Variants in NUDT2 observed in about 807,000 individuals in gnomAD.
NUDT2 encodes nudix hydrolase 2.
NUDT2 carries 12 observed loss-of-function variants against 14.2 expected under a neutral mutation model. The observed-to-expected ratio is 0.84, with a 90% CI of 0.54 to 1.37. The LOEUF (loss-of-function observed/expected upper bound fraction) is 1.37. NUDT2 is among the 40% of genes most tolerant of loss of function. The pLI, the probability that NUDT2 is intolerant of heterozygous loss-of-function variation, is 0.00. For synonymous variants in NUDT2, 67 were observed against 67.4 expected (o/e 0.99, Z 0.03); for missense variants, 167 against 176.7 (o/e 0.95, Z 0.31).
Position 34,343,363 on chromosome 9 carries a change from T to C in NUDT2, c.367T>C (p.Cys123Arg), listed in dbSNP as rs147348519. 248 of 1,614,090 alleles carry C rather than the reference T, an allele frequency of 1.5e-4. 3 individuals carry two copies. The African/African-American group carries it at 2.9e-3, about 19-fold the overall frequency. The change falls in exon 5 of 5, where the codon TGC (cysteine) becomes CGC (arginine). Residue 123 changes from cysteine (C) to arginine (R), a missense_variant. Cys to Arg is a radical substitution (Grantham distance 180). Coordinates refer to ENST00000379158, the MANE Select transcript of NUDT2 (RefSeq NM_001161.5). ...CCGCTGGCTGGGGCTGGAGGAGGCC[T>C]GCCAGTTGGCTCAGTTCAAGGAGAT... ...AYRWLGLEEACQLAQFKEMKA... is the reference protein window; with the variant it reads ...AYRWLGLEEARQLAQFKEMKA...
rs748007466 is a variant in NUDT2, at chr9:34,343,317, C to T, written c.321C>T (p.Leu107=). ...AGGACTATGACGTGGAGATCCGCCT[C>T]TCCCATGAGCACCAAGCCTACCGCT... The part of the protein sequence containing the change: ...EVKDYDVEIR[L]SHEHQAYRWL... Residue 107 remains leucine (L), a synonymous_variant, in exon 5 of 5, where the codon CTC becomes CTT. Transcript: ENST00000379158. 6.2e-7 allele frequency: 1 copy of T among 1,611,926 alleles called. No individual in the cohort carries two copies. The highest frequency in any genetic ancestry group is 1.7e-4 in the Middle Eastern group (1 of 6,050).
chr9:34,338,897 T>G, intron 3 of NUDT2, 50 bp downstream of exon 3: 3 of 754,214 alleles, frequency 4.0e-6, no homozygotes, highest in Non-Finnish European at 6.3e-6. Flanking sequence ...GCATGCTGCC[T>G]TTTTCTGTGG....
chr9:34,331,508 A>C (rs1208797846), intron 1 of NUDT2, among the ~76,000 whole-genome samples: 2 of 152,202 alleles, frequency 1.3e-5, no homozygotes, highest in South Asian at 4.1e-4. Flanking sequence ...TGACTAAAGG[A>C]GGATGAAAAT....
At chr9:34,337,130 G>A (rs528362056) in intron 2 of NUDT2, among the ~76,000 whole-genome samples, 1 of 151,660 alleles carries the variant, frequency 6.6e-6, no homozygotes, top group East Asian at 2.0e-4. Context: ...CTCCCAAGTA[G>A]CTGGGATTAC....
chr9:34,338,602 G>C (rs1240486124), intron 2 of NUDT2, 111 bp from the exon 3 acceptor site: 1 of 154,286 alleles, frequency 6.5e-6, no homozygotes. Context: ...CACTGCTGGG[G>C]GGTTCTGTGC....
chr9:34,343,651 G>A lies in NUDT2; in HGVS notation c.*211G>A, dbSNP rs1371384043. On this transcript the variant is annotated 3_prime_UTR_variant, in exon 5 of 5. Transcript: ENST00000379158. ...AAAGAGTAAAAATTAAAAAGGCCAG[G>A]CCCAGTAAGTGTACCTTGTACTTTA... 2 of 534,250 alleles carry A rather than the reference G, an allele frequency of 3.7e-6. No homozygotes were observed. Among genetic ancestry groups the A allele is most frequent in the Non-Finnish European group, 6.6e-6 (2 of 302,964 alleles). The allele number at this position is 534,250 out of a possible 1,614,324, so 33.1% of individuals were successfully genotyped here.
Position 34,343,520 on chromosome 9 carries a change from G to T in NUDT2, c.*80G>T. The T allele has an allele frequency of 7.7e-7, 1 of 1,293,574 alleles. No individual in the cohort carries two copies. The highest frequency in any genetic ancestry group is 1.0e-6 in the Non-Finnish European group (1 of 961,358). 80.1% of individuals were successfully genotyped at this position (1,293,574 alleles called of 1,614,324 possible). A position where few individuals can be genotyped will look rare whatever the true frequency, so the allele number is the denominator to read the frequency against. ...TGAAGCCACCCTCAGGTCCAGGGAA[G>T]GTTGTGCTGGTATTTGGCTCATGAC... On this transcript the variant is annotated 3_prime_UTR_variant, in exon 5 of 5. Coordinates refer to ENST00000379158, the MANE Select transcript of NUDT2 (RefSeq NM_001161.5).
At chr9:34,332,861 G>T (rs1837983820) in intron 1 of NUDT2, among the ~76,000 whole-genome samples, 1 of 152,024 alleles carries the variant, frequency 6.6e-6, no homozygotes, top group Admixed American at 6.6e-5. Flanking sequence ...TCTTCCATTT[G>T]TTATTGTTCT....
chr9:34,343,525 T>G lies in NUDT2; in HGVS notation c.*85T>G. 7.9e-7 allele frequency: 1 copy of G among 1,259,006 alleles called. No homozygotes were observed. The highest frequency in any genetic ancestry group is 1.1e-6 in the Non-Finnish European group (1 of 931,308). The allele number at this position is 1,259,006 out of a possible 1,614,324, so 78.0% of individuals were successfully genotyped here. On this transcript the variant is annotated 3_prime_UTR_variant, in exon 5 of 5. Coordinates refer to ENST00000379158, the MANE Select transcript of NUDT2 (RefSeq NM_001161.5). ...CCACCCTCAGGTCCAGGGAAGGTTG[T>G]GCTGGTATTTGGCTCATGACAGCCA...
intron 1 of NUDT2, among the ~76,000 whole-genome samples, chr9:34,331,564 T>C (rs531719692): frequency 8.8e-4 from 134 of 152,310 alleles, no homozygotes; most frequent in African/African-American, 3.0e-3. Context: ...ACAGCTTGAC[T>C]TACCTAAATT....
chr9:34,343,669 G>A lies in NUDT2; in HGVS notation c.*229G>A, dbSNP rs529239492. On this transcript the variant is annotated 3_prime_UTR_variant, in exon 5 of 5. Coordinates refer to ENST00000379158, the MANE Select transcript of NUDT2 (RefSeq NM_001161.5). ...AGGCCAGGCCCAGTAAGTGTACCTT[G>A]TACTTTATAAATAAACCTCAAGCAG... The A allele has an allele frequency of 2.1e-6, 1 of 469,340 alleles. No individual in the cohort carries two copies. The highest frequency in any genetic ancestry group is 2.0e-5 in the African/African-American group (1 of 51,278). 29.1% of individuals were successfully genotyped at this position (469,340 alleles called of 1,614,324 possible).
chr9:34,339,528 C>T lies in NUDT2; in HGVS notation c.127+362C>T, dbSNP rs1274434914. Among the ~76,000 whole-genome samples the T allele has an allele frequency of 2.6e-5, 4 of 152,136 alleles. No homozygotes were observed. The East Asian group carries it at 7.7e-4, about 29-fold the overall frequency. ...TCTCAGCTTTGAGTTTTTCATCTGT[C>T]AAACAAGGGCTTGACTAGAAAATCC... On this transcript the variant is annotated intron_variant, in intron 4 of 4. Coordinates refer to ENST00000379158, the MANE Select transcript of NUDT2 (RefSeq NM_001161.5).
chr9:34,331,801 C>G (rs1437683458), intron 1 of NUDT2, among the ~76,000 whole-genome samples: 2 of 152,228 alleles, frequency 1.3e-5, no homozygotes, highest in African/African-American at 4.8e-5. Context: ...TATAGCACTT[C>G]AAATTCAACT....
rs751188821 is a variant in NUDT2, at chr9:34,343,394, C to T, written c.398C>T (p.Ala133Val). 2.5e-6 allele frequency: 4 copies of T among 1,611,356 alleles called. No individual in the cohort carries two copies. Among genetic ancestry groups the T allele is most frequent in the East Asian group, 2.2e-5 (1 of 44,802 alleles). The change falls in exon 5 of 5, where the codon GCA becomes GTA. Residue 133 changes from alanine (A) to valine (V), a missense_variant. Coordinates refer to ENST00000379158, the MANE Select transcript of NUDT2 (RefSeq NM_001161.5). ...TTGGCTCAGTTCAAGGAGATGAAGG[C>T]AGCGCTCCAAGAAGGACACCAGTTT... Reference protein sequence around the residue: ...CQLAQFKEMKAALQEGHQFLC... With the variant: ...CQLAQFKEMKVALQEGHQFLC...
At chr9:34,329,921 C>G (rs1837842487) in intron 1 of NUDT2, among the ~76,000 whole-genome samples, 1 of 152,266 alleles carries the variant, frequency 6.6e-6, no homozygotes, top group African/African-American at 2.4e-5. Context: ...AGGCGCCGAA[C>G]CTTCCCCTCC....
intron 1 of NUDT2, among the ~76,000 whole-genome samples, chr9:34,335,628 G>A (rs1191158289): frequency 6.6e-6 from 1 of 152,182 alleles, no homozygotes; most frequent in East Asian, 1.9e-4. Context: ...CCAAGCAATT[G>A]AAAGAGCAGT....
At chr9:34,333,494 G>A (rs1162418372) in intron 1 of NUDT2, among the ~76,000 whole-genome samples, 2 of 151,922 alleles carry the variant, frequency 1.3e-5, no homozygotes, top group Non-Finnish European at 2.9e-5. Context: ...TTAGCCAGAT[G>A]TGATGGCTCC....
In NUDT2 at chr9:34,338,735, C is replaced by T. The variant is rs1838161804; in HGVS notation, c.-129C>T. On this transcript the variant is annotated 5_prime_UTR_variant, in exon 3 of 5. The change creates a premature stop within an existing upstream ORF in the 5' untranslated region. Transcript: ENST00000379158. ...CAGTGCGTTTGCTTCTGAGGATCTC[C>T]AGTGTCACAACAAACACATGCCAGC... 4.9e-6 allele frequency: 1 copy of T among 203,216 alleles called. No individual in the cohort carries two copies. The highest frequency in any genetic ancestry group is 1.0e-5 in the Non-Finnish European group (1 of 100,008). 12.6% of individuals were successfully genotyped at this position (203,216 alleles called of 1,614,324 possible). A position where few individuals can be genotyped will look rare whatever the true frequency, so the allele number is the denominator to read the frequency against.
intron 1 of NUDT2, among the ~76,000 whole-genome samples, chr9:34,335,479 G>A (rs778805138): frequency 7.5e-4 from 114 of 152,302 alleles, no homozygotes; most frequent in African/African-American, 2.6e-3. Flanking sequence ...TGTTCAAGCC[G>A]TGTTAAGGAT....
Sources: gnomAD v4.1 joint callset for allele counts (sites outside exome capture counted in the v4.1 genomes callset) on GRCh38, gnomAD v4.1.1 for gene constraint, MANE v1.5 for transcripts, NCBI Gene and HGNC (gene_info 2026-07-23, HGNC 2026-07-21) for gene names.